Variants in LRMDA observed in about 807,000 individuals in gnomAD.
The protein encoded by LRMDA is leucine rich melanocyte differentiation associated.
In LRMDA, 18 loss-of-function variants were observed where a neutral mutation model predicts 29.8. That is an observed-to-expected ratio of 0.60 (90% CI 0.42 to 0.90). LRMDA has a LOEUF of 0.90. Ranked by LOEUF, LRMDA falls within the 40% of genes least tolerant of loss-of-function variation. LRMDA has a pLI of 0.00. For synonymous variants in LRMDA, 125 were observed against 109.4 expected, an observed-to-expected ratio of 1.14 and a Z score of -0.89; for missense variants, 273 against 273.9, an observed-to-expected ratio of 1.00 and a Z score of 0.02.
intron 6 of LRMDA, among the ~76,000 whole-genome samples, chr10:76,427,492 T>G (rs1290183806): frequency 2.0e-4 from 30 of 152,284 alleles, no homozygotes; most frequent in African/African-American, 5.5e-4. Flanking sequence ...ATCAGCTTAA[T>G]GAGATTTTGG....
At chr10:76,052,416 G>T (rs756499650) in intron 4 of LRMDA, among the ~76,000 whole-genome samples, 2 of 151,932 alleles carry the variant, frequency 1.3e-5, no homozygotes, top group Non-Finnish European at 2.9e-5. Flanking sequence ...AGGTGTTCCT[G>T]GGGAGCAGCC....
At chr10:76,461,489 A>G (rs1173345398) in intron 6 of LRMDA, among the ~76,000 whole-genome samples, 1 of 152,178 alleles carries the variant, frequency 6.6e-6, no homozygotes, top group Non-Finnish European at 1.5e-5. Context: ...AAATAAAGAG[A>G]TCTAGCATTG....
chr10:76,432,249 T>A (rs1842198404), intron 6 of LRMDA, among the ~76,000 whole-genome samples: 1 of 152,146 alleles, frequency 6.6e-6, no homozygotes, highest in African/African-American at 2.4e-5. Flanking sequence ...GGTGTGGTGC[T>A]CCTTTACTGG....
chr10:76,273,023 A>G (rs895204071), intron 5 of LRMDA, among the ~76,000 whole-genome samples: 2 of 152,186 alleles, frequency 1.3e-5, no homozygotes, highest in African/African-American at 4.8e-5. Flanking sequence ...GCCAAACCAT[A>G]TCAAGGACTA....
intron 2 of LRMDA, among the ~76,000 whole-genome samples, chr10:75,622,138 A>G (rs1841196484): frequency 1.3e-5 from 2 of 152,218 alleles, no homozygotes. Flanking sequence ...AGCTGTGTGT[A>G]TGCATACATG....
At chr10:76,346,068 A>C (rs1231327883) in intron 6 of LRMDA, among the ~76,000 whole-genome samples, 1 of 152,204 alleles carries the variant, frequency 6.6e-6, no homozygotes, top group Non-Finnish European at 1.5e-5. Context: ...AGTGCTATAC[A>C]CCTTTTTGTG....
intron 2 of LRMDA, among the ~76,000 whole-genome samples, chr10:75,643,940 T>G (rs950053381): frequency 1.3e-5 from 2 of 152,178 alleles, no homozygotes; most frequent in Non-Finnish European, 2.9e-5. Flanking sequence ...TGATTTGTTT[T>G]TAGTGCAGCT....
chr10:75,433,987 G>A (rs1329412647), intron 1 of LRMDA, among the ~76,000 whole-genome samples: 1 of 152,126 alleles, frequency 6.6e-6, no homozygotes, highest in Non-Finnish European at 1.5e-5. Flanking sequence ...ACATGCCTGG[G>A]GATGTTGCAG....
intron 6 of LRMDA, among the ~76,000 whole-genome samples, chr10:76,502,873 T>C (rs1842924806): frequency 6.6e-6 from 1 of 151,990 alleles, no homozygotes; most frequent in South Asian, 2.1e-4. Context: ...CCTATTTGGA[T>C]GCCTTTTATT....
intron 2 of LRMDA, chr10:75,451,751 T>G (rs1367812533): frequency 6.6e-6 from 1 of 152,080 alleles, no homozygotes; most frequent in African/African-American, 2.4e-5. Flanking sequence ...AGACTTTAAA[T>G]GCCAAGGGAA....
At chr10:76,342,153 A>G (rs1841049820) in intron 6 of LRMDA, among the ~76,000 whole-genome samples, 1 of 152,212 alleles carries the variant, frequency 6.6e-6, no homozygotes, top group Admixed American at 6.5e-5. Flanking sequence ...CTGAGATCAT[A>G]ATATAATAAA....
chr10:75,647,667 A>G (rs1278124771), intron 2 of LRMDA: 1 of 152,198 alleles, frequency 6.6e-6, no homozygotes, highest in East Asian at 1.9e-4. Flanking sequence ...TCTTAATTGC[A>G]TTAAAATAGT....
At chr10:76,480,970 G>A (rs1031414711) in intron 6 of LRMDA, among the ~76,000 whole-genome samples, 3 of 151,868 alleles carry the variant, frequency 2.0e-5, no homozygotes, top group Non-Finnish European at 4.4e-5. Context: ...AGAAATTGAG[G>A]CATTTAGGGA....
At chr10:76,248,707 C>T (rs187910605) in intron 5 of LRMDA, among the ~76,000 whole-genome samples, 1 of 152,224 alleles carries the variant, frequency 6.6e-6, no homozygotes, top group East Asian at 1.9e-4. Context: ...CACCTCTAAA[C>T]CTTGAAGAAT....
At chr10:75,713,773 C>A (rs1051234636) in intron 2 of LRMDA, among the ~76,000 whole-genome samples, 2 of 152,054 alleles carry the variant, frequency 1.3e-5, no homozygotes, top group African/African-American at 4.8e-5. Context: ...TCTAGTACTT[C>A]CTTAATCCAC....
chr10:75,999,859 G>C (rs1847531766), intron 2 of LRMDA, among the ~76,000 whole-genome samples: 1 of 152,144 alleles, frequency 6.6e-6, no homozygotes, highest in Non-Finnish European at 1.5e-5. Flanking sequence ...ATTGTATGCG[G>C]GAGTACTTTA....
rs571483357 is a variant in LRMDA, at chr10:75,783,996, A to AAAAT, written c.132-252011_132-252010insAATA. The stretch of plus-strand genomic sequence containing the variant: ...AGGCAGAAGCAATACCTAATTGCCG[A>AAAAT]ATACTGAAAATAGGGAATGAGGTGG... On this transcript the variant is annotated intron_variant, in intron 2 of 6. Coordinates refer to ENST00000611255, the MANE Select transcript of LRMDA (RefSeq NM_001305581.2). 6.5e-4 allele frequency among the ~76,000 whole-genome samples: 99 copies of AAAAT among 152,358 alleles called. No homozygotes were observed. The South Asian group carries it at 0.02, about 31-fold the overall frequency.
intron 6 of LRMDA, among the ~76,000 whole-genome samples, chr10:76,501,755 T>C (rs1842912049): frequency 6.6e-6 from 1 of 152,022 alleles, no homozygotes; most frequent in African/African-American, 2.4e-5. Flanking sequence ...ATTCTGGATA[T>C]TAGGTCTTTG....
At chr10:76,190,283 G>GA (rs200554745) in intron 5 of LRMDA, among the ~76,000 whole-genome samples, 2,340 of 152,124 alleles carry the variant, frequency 0.015, 60 homozygotes, top group African/African-American at 0.051. Context: ...TTTTCAAGCT[G>GA]AACAAGAATA....
Sources: allele counts gnomAD v4.1 joint callset (sites outside exome capture counted in the v4.1 genomes callset), GRCh38; gene constraint gnomAD v4.1.1; transcripts MANE v1.5; gene names NCBI Gene and HGNC (gene_info 2026-07-23, HGNC 2026-07-21).